FAM222B: variants seen among roughly 807,000 people sequenced by gnomAD.
The protein encoded by FAM222B is protein FAM222B.
Under a neutral mutation model 38.0 loss-of-function variants are expected in FAM222B, and 12 were observed. The ratio of observed to expected loss-of-function variants is 0.32; its 90% confidence interval spans 0.20 to 0.51. The LOEUF is 0.51. Among genes scored for constraint, FAM222B ranks in the 20% least tolerant of loss-of-function variants. The probability of loss-of-function intolerance (pLI) is 0.97; values close to 1 mark genes in which losing one functional copy is unlikely to be tolerated. For synonymous variants in FAM222B, 329 were observed against 317.2 expected, an observed-to-expected ratio of 1.04 and a Z score of -0.40; for missense variants, 716 against 754.2, an observed-to-expected ratio of 0.95 and a Z score of 0.59.
intron 1 of FAM222B, among the ~76,000 whole-genome samples, chr17:28,775,273 C>T (rs1461491746): frequency 2.6e-5 from 4 of 151,886 alleles, no homozygotes; most frequent in Non-Finnish European, 5.9e-5. Flanking sequence ...ATGGGCCACA[C>T]CGCCCAGCCT....
At chr17:28,790,252 CCT>C (rs992170710) in intron 1 of FAM222B, 4 of 152,010 alleles carry the variant, frequency 2.6e-5, no homozygotes, top group African/African-American at 9.7e-5. Context: ...GTTTCTAAGC[CCT>C]GTCTCCTAAA....
At chr17:28,766,520 G>A in intron 2 of FAM222B, 66 bp downstream of exon 2, 1 of 1,374,090 alleles carries the variant, frequency 7.3e-7, no homozygotes, top group Non-Finnish European at 1.0e-6. Context: ...TGTGCTTCAA[G>A]GACGGCCCAA....
At chr17:28,841,736 T>C (rs2039044059) in intron 1 of FAM222B, among the ~76,000 whole-genome samples, 1 of 152,168 alleles carries the variant, frequency 6.6e-6, no homozygotes, top group Non-Finnish European at 1.5e-5. Context: ...GAGTTAGCTA[T>C]GTTCAGAAAA....
chr17:28,773,575 G>A (rs1179975906), intron 1 of FAM222B, among the ~76,000 whole-genome samples: 1 of 151,314 alleles, frequency 6.6e-6, no homozygotes, highest in Non-Finnish European at 1.5e-5. Flanking sequence ...AAGGTGGGAG[G>A]ATCACATTAG....
chr17:28,830,353 G>A (rs1189510576), intron 1 of FAM222B, among the ~76,000 whole-genome samples: 3 of 151,440 alleles, frequency 2.0e-5, no homozygotes, highest in South Asian at 4.2e-4. Context: ...GTAGAGAAGC[G>A]GTTTCACCGT....
intron 1 of FAM222B, chr17:28,834,290 T>C (rs1030137960): frequency 1.3e-5 from 2 of 152,202 alleles, no homozygotes; most frequent in African/African-American, 2.4e-5. Flanking sequence ...ACATGTTCCT[T>C]ACCTGGTTTA....
At chr17:28,783,623 CT>C (rs2036257831) in intron 1 of FAM222B, among the ~76,000 whole-genome samples, 7 of 152,066 alleles carry the variant, frequency 4.6e-5, no homozygotes, top group Admixed American at 4.6e-4. Context: ...AGGGATTCTC[CT>C]GCTTCAGCCT....
chr17:28,758,736 G>A lies in FAM222B; in HGVS notation c.1223C>T (p.Pro408Leu), dbSNP rs1456401191. The change falls in exon 3 of 3, where the codon CCT (proline) becomes CTT (leucine). Residue 408 changes from proline to leucine, a missense_variant. Pro to Leu is a moderately conservative substitution (Grantham distance 98). Transcript: ENST00000581407. The stretch of plus-strand genomic sequence containing the variant: ...CAGGCAGAGTTCCTGCGGGTAGGCA[G>A]GGGCCTTGCCCACAAAGCCAGGCCC... ...LAGPGFVGKA[P>L]AYPQELCLAQ... The A allele has an allele frequency of 1.3e-6, 2 of 1,580,768 alleles. No homozygotes were observed. The highest frequency in any genetic ancestry group is 1.1e-5 in the South Asian group (1 of 87,980).
chr17:28,792,015 A>T (rs1292792717), intron 1 of FAM222B, among the ~76,000 whole-genome samples: 3 of 151,204 alleles, frequency 2.0e-5, no homozygotes, highest in Non-Finnish European at 4.4e-5. Context: ...TGTCTAAAAA[A>T]ATTAGCCAGG....
intron 1 of FAM222B, among the ~76,000 whole-genome samples, chr17:28,790,884 C>CCTTTT (rs71135852): frequency 1.2e-5 from 1 of 86,062 alleles, no homozygotes; most frequent in South Asian, 3.4e-4. Flanking sequence ...AATTGTTTCA[C>CCTTTT]TTTTTTTTTT....
intron 2 of FAM222B, among the ~76,000 whole-genome samples, chr17:28,765,465 T>C (rs2035285971): frequency 6.6e-6 from 1 of 152,194 alleles, no homozygotes; most frequent in Non-Finnish European, 1.5e-5. Flanking sequence ...ACAGAAAGTT[T>C]GTTAACCCCT....
chr17:28,785,622 G>A (rs1392546835), intron 1 of FAM222B, among the ~76,000 whole-genome samples: 4 of 151,830 alleles, frequency 2.6e-5, no homozygotes, highest in Non-Finnish European at 4.4e-5. Context: ...TGCAACCTCC[G>A]CCTCCCAGGT....
chr17:28,846,500 A>G (rs2039147076), upstream of FAM222B, among the ~76,000 whole-genome samples: 3 of 151,914 alleles, frequency 2.0e-5, no homozygotes, highest in East Asian at 5.8e-4. Context: ...ACCCGTCTGT[A>G]CAAAAAAATT....
intron 1 of FAM222B, among the ~76,000 whole-genome samples, chr17:28,804,197 GACACCACCAGC>G (rs1399370887): frequency 1.6e-4 from 24 of 152,226 alleles, no homozygotes; most frequent in African/African-American, 5.8e-4. Context: ...CAGACTGAAT[GACACCACCAGC>G]TTTCCTGGTT....
chr17:28,848,689 C>T (rs978984279), intron 1 of FAM222B, among the ~76,000 whole-genome samples: 5 of 151,542 alleles, frequency 3.3e-5, no homozygotes, highest in African/African-American at 7.3e-5. Context: ...ACCAGGGAGG[C>T]GGAGGTTGCA....
intron 1 of FAM222B, among the ~76,000 whole-genome samples, chr17:28,807,020 CTTT>C (rs919878688): frequency 6.9e-6 from 1 of 144,136 alleles, no homozygotes; most frequent in Non-Finnish European, 1.5e-5. Flanking sequence ...CTTTTTTTAT[CTTT>C]TTTTTTTTTT....
chr17:28,813,690 C>G (rs955440898), intron 1 of FAM222B, among the ~76,000 whole-genome samples: 1 of 151,012 alleles, frequency 6.6e-6, no homozygotes, highest in African/African-American at 2.4e-5. Flanking sequence ...TGGCCGCCAT[C>G]ACGCCCAGCT....
upstream of FAM222B, among the ~76,000 whole-genome samples, chr17:28,847,763 A>G (rs2039155032): frequency 6.6e-6 from 1 of 151,480 alleles, no homozygotes; most frequent in Non-Finnish European, 1.5e-5. Context: ...AAATACAAAA[A>G]ATGAGCCGGG....
In FAM222B at chr17:28,782,009, T is replaced by C. The variant is rs1393404755; in HGVS notation, c.-40-15302A>G. Among the ~76,000 whole-genome samples the C allele has an allele frequency of 3.3e-5, 5 of 152,140 alleles. No individual in the cohort carries two copies. In the East Asian group the frequency reaches 9.6e-4, roughly 29 times the overall value. On this transcript the variant is annotated intron_variant, in intron 1 of 2. Transcript: ENST00000581407. ...ATTTCAGTCAACACTAGACTGCACA[T>C]ACAATGGCAGTCCCATAAGATCAAA...
Sources: allele counts gnomAD v4.1 joint callset (sites outside exome capture counted in the v4.1 genomes callset), GRCh38; gene constraint gnomAD v4.1.1; transcripts MANE v1.5; gene names NCBI Gene and HGNC (gene_info 2026-07-23, HGNC 2026-07-21).